The following KALRN variants were observed in gnomAD, a reference collection of about 807,000 sequenced individuals.
KALRN encodes kalirin RhoGEF kinase.
KALRN carries 70 observed loss-of-function variants against 353.7 expected under a neutral mutation model. The ratio of observed to expected loss-of-function variants is 0.20; its 90% CI spans 0.16 to 0.24. KALRN has a LOEUF of 0.24. KALRN is among the 10% of genes least tolerant of loss of function. The pLI is 1.00. For missense variants in KALRN, 2,791 were observed against 3,756.7 expected (o/e 0.74, Z 6.72); for synonymous variants, 1,391 against 1,434.8 (o/e 0.97, Z 0.69).
chr3:124,317,699 A>G (rs2078941358), intron 6 of KALRN, among the ~76,000 whole-genome samples: 2 of 129,496 alleles, frequency 1.5e-5, no homozygotes, highest in East Asian at 2.4e-4. Flanking sequence ...ATCAAGCTCT[A>G]AGTAGCCAGG....
At chr3:124,533,412 T>G (rs1201873722) in intron 33 of KALRN, among the ~76,000 whole-genome samples, 1 of 152,126 alleles carries the variant, frequency 6.6e-6, no homozygotes, top group Non-Finnish European at 1.5e-5. Flanking sequence ...TAAGCCGAGT[T>G]GAGCAGATTG....
intron 1 of KALRN, among the ~76,000 whole-genome samples, chr3:124,076,268 G>A (rs1197549886): frequency 6.6e-6 from 1 of 152,228 alleles, no homozygotes; most frequent in Non-Finnish European, 1.5e-5. Context: ...TAGGAAGGGA[G>A]TTCCTAAAGC....
At chr3:124,068,055 G>A (rs774022192) in intron 1 of KALRN, among the ~76,000 whole-genome samples, 4 of 152,228 alleles carry the variant, frequency 2.6e-5, no homozygotes, top group Non-Finnish European at 5.9e-5. Context: ...CTTACACAGA[G>A]GAACAAATGG....
At chr3:124,251,278 C>T (rs1010779330) in intron 3 of KALRN, among the ~76,000 whole-genome samples, 20 of 151,840 alleles carry the variant, frequency 1.3e-4, no homozygotes, top group African/African-American at 3.6e-4. Flanking sequence ...CCGCCATTCC[C>T]GGAGCTCTCT....
chr3:124,623,962 C>T (rs1006955059), intron 34 of KALRN, among the ~76,000 whole-genome samples: 2 of 152,238 alleles, frequency 1.3e-5, no homozygotes, highest in Non-Finnish European at 2.9e-5. Context: ...CATGCTAAAA[C>T]AGTCGCCGTC....
At chr3:124,524,163 A>G (rs767275121) in intron 33 of KALRN, among the ~76,000 whole-genome samples, 4 of 152,214 alleles carry the variant, frequency 2.6e-5, no homozygotes, top group Non-Finnish European at 5.9e-5. Flanking sequence ...TGTGGGTTAC[A>G]GTCCCACGCA....
At chr3:124,585,018 T>G in intron 34 of KALRN, 3 of 1,280,614 alleles carry the variant, frequency 2.3e-6, no homozygotes, top group Non-Finnish European at 3.2e-6. Context: ...GGTAGGCGGA[T>G]GGGGCTGGGG....
chr3:124,252,602 G>C (rs1216401151), intron 3 of KALRN, among the ~76,000 whole-genome samples: 2 of 152,214 alleles, frequency 1.3e-5, no homozygotes, highest in Non-Finnish European at 2.9e-5. Context: ...GGCAAAAGAT[G>C]TGTTGTTAAA....
chr3:124,041,296 C>T (rs2039946400), intron 1 of KALRN, among the ~76,000 whole-genome samples: 1 of 152,014 alleles, frequency 6.6e-6, no homozygotes, highest in Non-Finnish European at 1.5e-5. Context: ...GATAATAGCC[C>T]CCCGCCCCAA....
chr3:124,230,168 A>G (rs1181841983), intron 2 of KALRN, among the ~76,000 whole-genome samples: 4 of 152,028 alleles, frequency 2.6e-5, no homozygotes, highest in Admixed American at 6.5e-5. Flanking sequence ...GCCCAATCTT[A>G]TCTTTTCTTC....
At position 124,562,993 on chromosome 3, in the gene KALRN, A is replaced by T; in HGVS notation, c.5086A>T (p.Ser1696Cys). 1 of 1,367,876 alleles carries T rather than the reference A, an allele frequency of 7.3e-7. No individual in the cohort carries two copies. The highest frequency in any genetic ancestry group is 9.8e-7 in the Non-Finnish European group (1 of 1,021,994). The allele number at this position is 1,367,876 out of a possible 1,614,324, so 84.7% of individuals were successfully genotyped here. ...GWCLVRTTER[S>C]PPLEGLVPSS... ...GTGTCTGGTCCGTACCACCGAACGG[A>T]GCCCGCCCTTGGAGGGTCTGGTCCC... is the stretch of plus-strand genomic sequence containing the variant. The change falls in exon 34 of 60, where the codon AGC becomes TGC. Residue 1696 changes from serine to cysteine, a missense_variant. By Grantham distance (112) the Ser-to-Cys change is moderately radical (BLOSUM62 -1). Around this residue, in one of 11 missense-constraint regions of KALRN, gnomAD observed 239 missense variants for 351.3 expected, o/e 0.68. Transcript: ENST00000682506.
intron 6 of KALRN, among the ~76,000 whole-genome samples, chr3:124,310,942 C>T (rs147000074): frequency 1.1e-3 from 173 of 151,404 alleles, no homozygotes; most frequent in African/African-American, 4.1e-3. Context: ...TTAAAATGTG[C>T]AAAGGATTTA....
intron 10 of KALRN, 39 bp downstream of exon 10, chr3:124,347,304 GT>G: frequency 6.4e-7 from 1 of 1,566,116 alleles, no homozygotes; most frequent in Non-Finnish European, 8.7e-7. Flanking sequence ...GTGTGTGTGT[GT>G]GTGTGTGTGT....
At chr3:124,437,689 C>CAAAAAA (rs397876079) in intron 17 of KALRN, among the ~76,000 whole-genome samples, 11 of 48,328 alleles carry the variant, frequency 2.3e-4, no homozygotes, top group East Asian at 1.4e-3. Context: ...GATTCCGTCT[C>CAAAAAA]AAAAAAAAAA....
chr3:124,059,855 A>G (rs956682399), intron 1 of KALRN, among the ~76,000 whole-genome samples: 1 of 152,246 alleles, frequency 6.6e-6, no homozygotes, highest in Non-Finnish European at 1.5e-5. Context: ...ACAGATGCCA[A>G]GCATTGATGT....
At chr3:124,404,577 G>A (rs2091287059) in intron 13 of KALRN, among the ~76,000 whole-genome samples, 1 of 145,526 alleles carries the variant, frequency 6.9e-6, no homozygotes, top group South Asian at 2.3e-4. Flanking sequence ...TTGAAAGTAT[G>A]GGCTTCCAGT....
rs2063075269 is a variant in KALRN, at chr3:124,490,813, T to G, written c.4516T>G (p.Ser1506Ala). 4 of 1,614,042 alleles carry G rather than the reference T, an allele frequency of 2.5e-6. No individual in the cohort carries two copies. In the East Asian group the frequency reaches 8.9e-5, roughly 36 times the overall value. ...RERHLFLFEI[S>A]LVFSKEIKDS... ...GCGGCACTTGTTCCTCTTTGAGATC[T>G]CCTTGGTTTTTAGCAAGGAGATCAA... The change falls in exon 30 of 60, where the codon TCC becomes GCC. Residue 1506 changes from serine to alanine, a missense_variant. Around this residue, in one of 11 missense-constraint regions of KALRN, gnomAD observed 239 missense variants for 351.3 expected, o/e 0.68. Transcript: ENST00000682506.
At chr3:124,300,911 T>G (rs1413374908) in intron 6 of KALRN, among the ~76,000 whole-genome samples, 1 of 152,214 alleles carries the variant, frequency 6.6e-6, no homozygotes, top group African/African-American at 2.4e-5. Context: ...TCTGTCTCCC[T>G]TTAGTGTAGA....
At chr3:124,432,585 G>C (rs3755670) in intron 16 of KALRN, among the ~76,000 whole-genome samples, 2,207 of 152,278 alleles carry the variant, frequency 0.014, 73 homozygotes, top group East Asian at 0.075. Flanking sequence ...CAATGAAAAG[G>C]TTTGCCTCAA....
Sources: allele counts gnomAD v4.1 joint callset (sites outside exome capture counted in the v4.1 genomes callset), GRCh38; gene constraint gnomAD v4.1.1; regional missense constraint gnomAD v4.1.1; transcripts MANE v1.5; gene names NCBI Gene and HGNC (gene_info 2026-07-23, HGNC 2026-07-21).